GLI3: variants seen among roughly 807,000 people sequenced by gnomAD.
GLI3 encodes GLI family zinc finger 3, also known as transcription activator GLI3.
A neutral mutation model predicts 100.8 loss-of-function variants in GLI3; 20 were observed. The observed-to-expected ratio is 0.20, with a 90% CI of 0.14 to 0.29. The LOEUF (loss-of-function observed/expected upper bound fraction) is 0.29. GLI3 is among the 10% of genes least tolerant of loss of function. The pLI is 1.00. For missense variants in GLI3, 2,040 were observed against 2,128.5 expected, an observed-to-expected ratio of 0.96 and a Z score of 0.82; for synonymous variants, 938 against 860.5, an observed-to-expected ratio of 1.09 and a Z score of -1.58.
upstream of GLI3, chr7:42,238,003 G>A: frequency 1.4e-5 from 2 of 140,774 alleles, no homozygotes; most frequent in Non-Finnish European, 2.8e-5. Flanking sequence ...CGCCGCCGCC[G>A]CCTCCTCCTC....
At chr7:42,246,135 A>G (rs1476589415) in intron 1 of GLI3, among the ~76,000 whole-genome samples, 1 of 152,118 alleles carries the variant, frequency 6.6e-6, no homozygotes, top group African/African-American at 2.4e-5. Context: ...CTCCCTTACC[A>G]ACTTCCACCT....
At chr7:42,239,753 C>CA (rs1450347393), upstream of GLI3, among the ~76,000 whole-genome samples, 4 of 151,932 alleles carry the variant, frequency 2.6e-5, no homozygotes, top group Non-Finnish European at 4.4e-5. Flanking sequence ...AATAGCTAAA[C>CA]AAAAAAGAGG....
intron 6 of GLI3, among the ~76,000 whole-genome samples, chr7:42,042,041 G>T (rs1010447884): frequency 7.1e-6 from 1 of 141,150 alleles, no homozygotes; most frequent in African/African-American, 2.7e-5. Context: ...TTGAGATGTG[G>T]TCTTGCTCTG....
intron 1 of GLI3, among the ~76,000 whole-genome samples, chr7:42,230,098 CGGGGGGGGG>C (rs60979392): frequency 4.7e-5 from 2 of 42,784 alleles, no homozygotes; most frequent in Admixed American, 7.6e-4. Context: ...AAGGGTTGGG[CGGGGGGGGG>C]GGGGGTGGAA....
At chr7:41,976,537 C>A (rs1787518443) in intron 12 of GLI3, among the ~76,000 whole-genome samples, 1 of 152,188 alleles carries the variant, frequency 6.6e-6, no homozygotes, top group Non-Finnish European at 1.5e-5. Context: ...ATTCTCTCTG[C>A]CCAGCTCTCT....
At chr7:41,996,174 A>T (rs981333035) in intron 10 of GLI3, among the ~76,000 whole-genome samples, 1 of 152,248 alleles carries the variant, frequency 6.6e-6, no homozygotes, top group Non-Finnish European at 1.5e-5. Flanking sequence ...ATGTTCATAC[A>T]TTTGTATAAA....
chr7:42,055,042 T>C (rs1214217534), intron 4 of GLI3, among the ~76,000 whole-genome samples: 6 of 87,568 alleles, frequency 6.9e-5, no homozygotes, highest in Non-Finnish European at 1.2e-4. Context: ...TATGTATACA[T>C]ATATATATAC....
Position 41,967,909 on chromosome 7 carries a change from G to T in GLI3, c.2118C>A (p.Ser706Arg). The T allele has an allele frequency of 6.2e-7, 1 of 1,614,090 alleles. No homozygotes were observed. Among genetic ancestry groups the T allele is most frequent in the South Asian group, 1.1e-5 (1 of 91,078 alleles). The stretch of plus-strand genomic sequence containing the variant: ...TGCTGCATGAAGACTGACCACCAGG[G>T]CTTGGCTGAGATGTCTGTTGGGGTC... ...KAEKPMTSQP[S>R]PGGQSSCSSQ... The change falls in exon 14 of 15, where the codon AGC (serine) becomes AGA (arginine). Residue 706 changes from serine to arginine, a missense_variant. Physicochemically the swap from Ser to Arg is moderately radical, Grantham distance 110. Around this residue, in one of 5 missense-constraint regions of GLI3, gnomAD observed 327 missense variants for 338.7 expected, o/e 0.97. Coordinates refer to ENST00000395925, the MANE Select transcript of GLI3 (RefSeq NM_000168.6).
chr7:41,964,951 C>T lies in GLI3; in HGVS notation c.4122G>A (p.Pro1374=), dbSNP rs763631985. Residue 1374 remains proline, a synonymous_variant, in exon 15 of 15, where the codon CCG becomes CCA. Coordinates refer to ENST00000395925, the MANE Select transcript of GLI3 (RefSeq NM_000168.6). ...LPGAHGMGSQ[P]SSLAVVRGYQ... ...AGCCCCTGACAACTGCCAAGCTTGA[C>T]GGCTGGCTGCCCATGCCGTGAGCCC... The T allele has an allele frequency of 6.8e-6, 11 of 1,613,752 alleles. No homozygotes were observed. Among genetic ancestry groups the T allele is most frequent in the East Asian group, 2.2e-5 (1 of 44,874 alleles).
chr7:42,189,672 C>T (rs1273331171), intron 2 of GLI3, among the ~76,000 whole-genome samples: 1 of 152,140 alleles, frequency 6.6e-6, no homozygotes, highest in African/African-American at 2.4e-5. Flanking sequence ...GGGGAGGAAA[C>T]AGGCTCAAAA....
At chr7:42,124,941 G>A (rs947999117) in intron 3 of GLI3, among the ~76,000 whole-genome samples, 4 of 152,120 alleles carry the variant, frequency 2.6e-5, no homozygotes, top group African/African-American at 9.7e-5. Context: ...AGTGTTCCAG[G>A]TAGATGCAAG....
chr7:42,252,703 G>A (rs1326182479), intron 1 of GLI3, among the ~76,000 whole-genome samples: 1 of 152,132 alleles, frequency 6.6e-6, no homozygotes, highest in Non-Finnish European at 1.5e-5. Context: ...AATATAAAAT[G>A]TATATGAAAG....
chr7:42,074,849 T>G (rs1189070463), intron 4 of GLI3, among the ~76,000 whole-genome samples: 1 of 152,202 alleles, frequency 6.6e-6, no homozygotes, highest in East Asian at 1.9e-4. Flanking sequence ...TTTTGATAAT[T>G]ATACATTTAG....
chr7:42,010,212 T>C (rs993270597), intron 10 of GLI3, among the ~76,000 whole-genome samples: 3 of 152,222 alleles, frequency 2.0e-5, no homozygotes, highest in Non-Finnish European at 4.4e-5. Context: ...CTCCTGTGCC[T>C]GCACGAGGCT....
chr7:42,099,291 T>C (rs970153269), intron 3 of GLI3, among the ~76,000 whole-genome samples: 2 of 152,224 alleles, frequency 1.3e-5, no homozygotes, highest in Non-Finnish European at 2.9e-5. Flanking sequence ...ATGCTCACTT[T>C]GAGTGATTAC....
chr7:41,988,682 C>G (rs1245236151), intron 10 of GLI3, among the ~76,000 whole-genome samples: 1 of 152,182 alleles, frequency 6.6e-6, no homozygotes, highest in Non-Finnish European at 1.5e-5. Context: ...GCTTCCAGAA[C>G]AGTGAGAAAT....
At chr7:42,146,769 C>T (rs1256357927) in intron 3 of GLI3, among the ~76,000 whole-genome samples, 2 of 152,026 alleles carry the variant, frequency 1.3e-5, no homozygotes, top group African/African-American at 2.4e-5. Context: ...AAAAGAGACT[C>T]ACAAATAAAA....
chr7:42,224,514 C>T (rs1316190885), intron 1 of GLI3, among the ~76,000 whole-genome samples: 1 of 152,158 alleles, frequency 6.6e-6, no homozygotes, highest in Non-Finnish European at 1.5e-5. Flanking sequence ...ACTGTAGCAC[C>T]GGCTCTTCCA....
At chr7:42,032,997 G>C (rs1030105834) in intron 7 of GLI3, among the ~76,000 whole-genome samples, 2 of 152,150 alleles carry the variant, frequency 1.3e-5, no homozygotes, top group African/African-American at 4.8e-5. Flanking sequence ...ATATATGTGG[G>C]GAAAGGGCAC....
Sources: allele counts gnomAD v4.1 joint callset (sites outside exome capture counted in the v4.1 genomes callset), GRCh38; gene constraint gnomAD v4.1.1; regional missense constraint gnomAD v4.1.1; transcripts MANE v1.5; gene names NCBI Gene and HGNC (gene_info 2026-07-23, HGNC 2026-07-21).